PRKCB: variants seen among roughly 807,000 people sequenced by gnomAD.
The protein encoded by PRKCB is protein kinase C beta.
Under a neutral mutation model 81.5 loss-of-function variants are expected in PRKCB, and 13 were observed. That is an observed-to-expected ratio of 0.16 (90% CI 0.10 to 0.25). The LOEUF is 0.25. PRKCB is among the 10% of genes least tolerant of loss of function. The pLI is 1.00. For synonymous variants in PRKCB, 335 were observed against 321.4 expected (o/e 1.04, Z -0.45); for missense variants, 509 against 875.7 (o/e 0.58, Z 5.29).
At chr16:23,855,408 G>A (rs1237802728) in intron 2 of PRKCB, among the ~76,000 whole-genome samples, 1 of 152,058 alleles carries the variant, frequency 6.6e-6, no homozygotes, top group East Asian at 1.9e-4. Flanking sequence ...GTTCTATGTG[G>A]ATTAAATGAG....
Position 23,954,299 on chromosome 16 carries a change from G to A in PRKCB, c.206-34209G>A, listed in dbSNP as rs1363856766. 2.2e-4 allele frequency among the ~76,000 whole-genome samples: 34 copies of A among 152,132 alleles called. 1 individual carries two copies. ...CTTAGTGGTGTCTAGGTCTCTGAAG[G>A]AGGTGTCAGAGAAGGTCTCCTTGGC... On this transcript the variant is annotated intron_variant, in intron 2 of 16. Coordinates refer to ENST00000643927, the MANE Select transcript of PRKCB (RefSeq NM_002738.7).
chr16:23,962,586 C>CCA, intron 2 of PRKCB, among the ~76,000 whole-genome samples: 1 of 152,334 alleles, frequency 6.6e-6, no homozygotes, highest in Middle Eastern at 3.4e-3. Context: ...ATCTCGTCTA[C>CCA]CACAGCACTT....
At chr16:24,150,925 G>A (rs1004384219) in intron 9 of PRKCB, among the ~76,000 whole-genome samples, 1 of 152,164 alleles carries the variant, frequency 6.6e-6, no homozygotes, top group Non-Finnish European at 1.5e-5. Context: ...GTTGTTGAGG[G>A]CAGGGCAAGA....
chr16:23,965,112 T>A (rs536172894), intron 2 of PRKCB, among the ~76,000 whole-genome samples: 1 of 152,336 alleles, frequency 6.6e-6, no homozygotes, highest in South Asian at 2.1e-4. Context: ...ACCCAGGTAG[T>A]GAGCATAGTA....
chr16:24,015,748 T>G (rs556917282), intron 3 of PRKCB, among the ~76,000 whole-genome samples: 1 of 152,304 alleles, frequency 6.6e-6, no homozygotes, highest in South Asian at 2.1e-4. Context: ...TGTACATTGG[T>G]TTATGCTTCT....
intron 2 of PRKCB, among the ~76,000 whole-genome samples, chr16:23,954,829 A>G (rs1407419186): frequency 6.6e-6 from 1 of 152,176 alleles, no homozygotes; most frequent in Non-Finnish European, 1.5e-5. Context: ...AAGTGGGTGG[A>G]TGGCTTGAGG....
At chr16:24,179,740 G>A (rs1284361443) in intron 12 of PRKCB, among the ~76,000 whole-genome samples, 1 of 152,184 alleles carries the variant, frequency 6.6e-6, no homozygotes, top group African/African-American at 2.4e-5. Flanking sequence ...CCTGCTTAAA[G>A]TGACTTCCTC....
intron 3 of PRKCB, among the ~76,000 whole-genome samples, chr16:24,014,858 A>T (rs1378208079): frequency 6.6e-6 from 1 of 152,136 alleles, no homozygotes; most frequent in Non-Finnish European, 1.5e-5. Flanking sequence ...CAATGGCATG[A>T]TCTCGGCTCA....
At chr16:24,180,235 GC>G (rs1283464503) in intron 12 of PRKCB, among the ~76,000 whole-genome samples, 18 of 152,152 alleles carry the variant, frequency 1.2e-4, no homozygotes, top group African/African-American at 3.9e-4. Context: ...GAGCCAATGT[GC>G]CCTGCCAAAT....
chr16:23,945,112 G>A (rs1041334627), intron 2 of PRKCB, among the ~76,000 whole-genome samples: 2 of 152,168 alleles, frequency 1.3e-5, no homozygotes, highest in African/African-American at 4.8e-5. Flanking sequence ...GAGGCTGCAG[G>A]ACAGAGAAAG....
chr16:24,061,345 G>A (rs549284970), intron 5 of PRKCB, among the ~76,000 whole-genome samples: 2 of 152,310 alleles, frequency 1.3e-5, no homozygotes, highest in Non-Finnish European at 2.9e-5. Context: ...ACAGGCATGA[G>A]CCACCACATG....
intron 2 of PRKCB, among the ~76,000 whole-genome samples, chr16:23,926,235 C>T (rs936735995): frequency 1.3e-5 from 2 of 151,570 alleles, no homozygotes; most frequent in South Asian, 2.1e-4. Context: ...CACACAACTG[C>T]CCCCCAGCCT....
At chr16:23,886,571 CCTGA>C (rs1340950925) in intron 2 of PRKCB, among the ~76,000 whole-genome samples, 6 of 151,890 alleles carry the variant, frequency 4.0e-5, no homozygotes, top group Non-Finnish European at 8.8e-5. Context: ...CACCACCACG[CCTGA>C]CTAATTTTTG....
intron 13 of PRKCB, among the ~76,000 whole-genome samples, chr16:24,184,280 A>AC (rs944104604): frequency 6.6e-6 from 1 of 152,038 alleles, no homozygotes; most frequent in Non-Finnish European, 1.5e-5. Flanking sequence ...ATATAGAGAG[A>AC]CCCCATCCCT....
At chr16:24,006,069 C>A (rs943683706) in intron 3 of PRKCB, among the ~76,000 whole-genome samples, 1 of 152,180 alleles carries the variant, frequency 6.6e-6, no homozygotes, top group Admixed American at 6.5e-5. Flanking sequence ...CCCTTCCTCC[C>A]TTCCTCCCTT....
At chr16:23,905,527 A>G (rs570290234) in intron 2 of PRKCB, among the ~76,000 whole-genome samples, 11 of 152,340 alleles carry the variant, frequency 7.2e-5, no homozygotes, top group Admixed American at 4.6e-4. Flanking sequence ...CATAGCACCA[A>G]CTTATCCTAA....
intron 2 of PRKCB, among the ~76,000 whole-genome samples, chr16:23,977,679 T>C (rs1207676948): frequency 6.6e-6 from 1 of 151,970 alleles, no homozygotes; most frequent in East Asian, 1.9e-4. Context: ...TGAAGTACAG[T>C]GGTGATTCTC....
In PRKCB at chr16:23,877,199, G is replaced by A. The variant is rs1274722027; in HGVS notation, c.205+39793G>A. On this transcript the variant is annotated intron_variant, in intron 2 of 16. Coordinates refer to ENST00000643927, the MANE Select transcript of PRKCB (RefSeq NM_002738.7). ...ACCCTGTCCTTAAAAAAAAACAGTA[G>A]CCAGGCACAGTGCCTGTAGTCCCAG... Among the ~76,000 whole-genome samples, 4 of 152,080 alleles carry A rather than the reference G, an allele frequency of 2.6e-5. No homozygotes were observed. The East Asian group carries it at 7.7e-4, about 29-fold the overall frequency.
At chr16:23,873,022 A>G (rs994924409) in intron 2 of PRKCB, among the ~76,000 whole-genome samples, 57 of 150,318 alleles carry the variant, frequency 3.8e-4, no homozygotes, top group African/African-American at 1.4e-3. Context: ...TACTAAAAAT[A>G]AAATAAAAAA....
Sources: allele counts gnomAD v4.1 joint callset (sites outside exome capture counted in the v4.1 genomes callset), GRCh38; gene constraint gnomAD v4.1.1; transcripts MANE v1.5; gene names NCBI Gene and HGNC (gene_info 2026-07-23, HGNC 2026-07-21).